The following PPM1L variants were observed in gnomAD, a reference collection of about 807,000 sequenced individuals.
The protein encoded by PPM1L is protein phosphatase, Mg2+/Mn2+ dependent 1L.
PPM1L carries 13 observed loss-of-function variants against 31.4 expected under a neutral mutation model. That is an observed-to-expected ratio of 0.41 (90% confidence interval 0.27 to 0.66). PPM1L has a LOEUF of 0.66. Among genes scored for constraint, PPM1L ranks in the 30% least tolerant of loss-of-function variants. PPM1L has a pLI of 0.29. For synonymous variants in PPM1L, 184 were observed against 175.4 expected (o/e 1.05, Z -0.39); for missense variants, 326 against 453.7 (o/e 0.72, Z 2.56).
Position 161,065,693 on chromosome 3 carries a change from A to T in PPM1L, c.736+129A>T. 4.3e-6 allele frequency: 3 copies of T among 692,922 alleles called. No individual in the cohort carries two copies. In the South Asian group the frequency reaches 7.7e-5, roughly 18 times the overall value. The allele number at this position is 692,922 out of a possible 1,614,324, so 42.9% of individuals were successfully genotyped here. A position where few individuals can be genotyped will look rare whatever the true frequency, so the allele number is the denominator to read the frequency against. ...AGAGGCTGCTACTGAGGTAACTGAG[A>T]TTGACTTTGTAACATTACCTATCAA... On this transcript the variant is annotated intron_variant, in intron 3 of 3. Coordinates refer to ENST00000498165, the MANE Select transcript of PPM1L (RefSeq NM_139245.4).
intron 2 of PPM1L, chr3:161,022,058 C>T: frequency 9.2e-6 from 5 of 544,450 alleles, no homozygotes; most frequent in Middle Eastern, 4.0e-4. Context: ...TTTTATATGT[C>T]TTATGTATTT....
At chr3:160,844,307 A>G (rs1393775229) in intron 1 of PPM1L, among the ~76,000 whole-genome samples, 1 of 152,186 alleles carries the variant, frequency 6.6e-6, no homozygotes, top group Non-Finnish European at 1.5e-5. Context: ...ACTTTCTGAG[A>G]CCCGCTGAGA....
At chr3:160,830,146 C>T (rs947854100) in intron 1 of PPM1L, among the ~76,000 whole-genome samples, 2 of 152,174 alleles carry the variant, frequency 1.3e-5, no homozygotes, top group African/African-American at 4.8e-5. Context: ...AAAAACAAAA[C>T]CTAAGGATTT....
At chr3:160,831,154 C>A (rs1198309540) in intron 1 of PPM1L, among the ~76,000 whole-genome samples, 1 of 152,154 alleles carries the variant, frequency 6.6e-6, no homozygotes, top group Non-Finnish European at 1.5e-5. Context: ...TATATATGGT[C>A]TGACTTAATT....
Position 160,844,994 on chromosome 3 carries a change from G to T in PPM1L, c.399+88287G>T, listed in dbSNP as rs140026708. Among the ~76,000 whole-genome samples, 534 of 152,134 alleles carry T rather than the reference G, an allele frequency of 3.5e-3. 5 individuals are homozygous for T. The highest frequency in any genetic ancestry group is 8.9e-3 in the South Asian group (43 of 4,818). On this transcript the variant is annotated intron_variant, in intron 1 of 3. Coordinates refer to ENST00000498165, the MANE Select transcript of PPM1L (RefSeq NM_139245.4). Reference sequence around the variant, plus strand: ...CTATTCTGGACATTTTATATAAATAGAATCTGTGGTCTTTTGTCACTGGCT... The same window carrying T: ...CTATTCTGGACATTTTATATAAATATAATCTGTGGTCTTTTGTCACTGGCT...
At chr3:160,757,720 CTT>C (rs1200645780) in intron 1 of PPM1L, among the ~76,000 whole-genome samples, 3 of 152,352 alleles carry the variant, frequency 2.0e-5, no homozygotes, top group Admixed American at 1.3e-4. Context: ...GCTGCATACT[CTT>C]TGTTTTCCCT....
At chr3:161,031,094 G>A (rs906694882) in intron 2 of PPM1L, among the ~76,000 whole-genome samples, 1 of 152,236 alleles carries the variant, frequency 6.6e-6, no homozygotes, top group Non-Finnish European at 1.5e-5. Flanking sequence ...GGACTGGTAA[G>A]TTCTCTTCCA....
intron 3 of PPM1L, among the ~76,000 whole-genome samples, chr3:161,066,977 G>T (rs187359603): frequency 6.6e-6 from 1 of 152,266 alleles, no homozygotes; most frequent in South Asian, 2.1e-4. Context: ...GGGATGAAAC[G>T]AATGATATTT....
intron 1 of PPM1L, among the ~76,000 whole-genome samples, chr3:160,859,877 G>A (rs1378565841): frequency 6.6e-6 from 1 of 152,168 alleles, no homozygotes; most frequent in Non-Finnish European, 1.5e-5. Flanking sequence ...ATAAGAACTT[G>A]GATGCGGAAG....
chr3:160,972,306 G>A (rs904765305), intron 2 of PPM1L, among the ~76,000 whole-genome samples: 5 of 151,606 alleles, frequency 3.3e-5, no homozygotes, highest in South Asian at 2.1e-4. Context: ...CCATTAGCTC[G>A]TCATTTAACA....
intron 1 of PPM1L, among the ~76,000 whole-genome samples, chr3:160,815,670 T>G (rs1427300076): frequency 1.3e-5 from 2 of 152,190 alleles, no homozygotes; most frequent in Non-Finnish European, 2.9e-5. Flanking sequence ...CATCATAATA[T>G]AGTATCTATC....
At chr3:160,863,402 T>C (rs1711973762) in intron 1 of PPM1L, among the ~76,000 whole-genome samples, 1 of 152,198 alleles carries the variant, frequency 6.6e-6, no homozygotes, top group Non-Finnish European at 1.5e-5. Flanking sequence ...GCTTAGCACT[T>C]GTTATTCCTC....
chr3:161,044,654 C>G (rs1305904621), intron 2 of PPM1L, among the ~76,000 whole-genome samples: 1 of 152,056 alleles, frequency 6.6e-6, no homozygotes, highest in South Asian at 2.1e-4. Flanking sequence ...CCAGTACCAG[C>G]CACTGCAAAA....
rs1041827331 is a variant in PPM1L, at chr3:160,840,445, A to C, written c.399+83738A>C. ...GATGTAGATACAGATGTACATATAG[A>C]TATACGAGCTGAAATTTATTAGCGG... On this transcript the variant is annotated intron_variant, in intron 1 of 3. Coordinates refer to ENST00000498165, the MANE Select transcript of PPM1L (RefSeq NM_139245.4). Among the ~76,000 whole-genome samples, 3 of 152,142 alleles carry C rather than the reference A, an allele frequency of 2.0e-5. No homozygotes were observed. The East Asian group carries it at 5.8e-4, about 29-fold the overall frequency.
intron 2 of PPM1L, among the ~76,000 whole-genome samples, chr3:160,993,537 A>T (rs949296905): frequency 6.6e-6 from 1 of 152,106 alleles, no homozygotes; most frequent in Non-Finnish European, 1.5e-5. Context: ...TGTTCTGGTG[A>T]TGCTTCTAAA....
chr3:160,927,686 T>G (rs1252360989), intron 1 of PPM1L, among the ~76,000 whole-genome samples: 1 of 152,186 alleles, frequency 6.6e-6, no homozygotes, highest in Admixed American at 6.5e-5. Context: ...AACATGTCTA[T>G]AAGAAAAGCT....
At chr3:160,971,567 T>G (rs772990411) in intron 2 of PPM1L, among the ~76,000 whole-genome samples, 4 of 152,222 alleles carry the variant, frequency 2.6e-5, no homozygotes, top group Admixed American at 6.5e-5. Context: ...TTGGAATTGG[T>G]AAAGAGTTCT....
intron 1 of PPM1L, among the ~76,000 whole-genome samples, chr3:160,934,726 G>A (rs943095233): frequency 2.0e-5 from 3 of 152,136 alleles, no homozygotes; most frequent in African/African-American, 7.2e-5. Flanking sequence ...GCCGAAGTGG[G>A]TGGATCACTT....
chr3:160,848,253 A>C (rs1055478036), intron 1 of PPM1L, among the ~76,000 whole-genome samples: 1 of 152,124 alleles, frequency 6.6e-6, no homozygotes, highest in African/African-American at 2.4e-5. Flanking sequence ...TTTTAGAATA[A>C]ATGGTTTTCT....
Sources: gnomAD v4.1 joint callset for allele counts (sites outside exome capture counted in the v4.1 genomes callset) on GRCh38, gnomAD v4.1.1 for gene constraint, MANE v1.5 for transcripts, NCBI Gene and HGNC (gene_info 2026-07-23, HGNC 2026-07-21) for gene names.